PTPA: variants seen among roughly 807,000 people sequenced by gnomAD.
The protein encoded by PTPA is serine/threonine-protein phosphatase 2A activator.
In PTPA, 13 loss-of-function variants were observed where a neutral mutation model predicts 43.6. That is an observed-to-expected ratio of 0.30 (90% CI 0.19 to 0.47). PTPA has a LOEUF of 0.47. PTPA is among the 20% of genes least tolerant of loss of function. The pLI, the probability that PTPA is intolerant of heterozygous loss-of-function variation, is 0.99. For missense variants in PTPA, 329 were observed against 411.9 expected, an observed-to-expected ratio of 0.80 and a Z score of 1.74; for synonymous variants, 172 against 158.2, an observed-to-expected ratio of 1.09 and a Z score of -0.66.
chr9:129,111,583 G>T lies in PTPA; in HGVS notation c.-18G>T. ...GAGGGGACTGCAAGCATCCGGGTCG[G>T]CTCCTGGCCGGAGCAAGATGGCTGA... On this transcript the variant is annotated 5_prime_UTR_variant, in exon 1 of 10. Transcript: ENST00000393370. 7.7e-7 allele frequency: 1 copy of T among 1,290,564 alleles called. No individual in the cohort carries two copies. The highest frequency in any genetic ancestry group is 9.9e-7 in the Non-Finnish European group (1 of 1,010,858). 79.9% of individuals were successfully genotyped at this position (1,290,564 alleles called of 1,614,324 possible).
chr9:129,147,217 G>T (rs1304894149), intron 9 of PTPA, among the ~76,000 whole-genome samples, 170 bp from the exon 10 acceptor site: 1 of 152,216 alleles, frequency 6.6e-6, no homozygotes, highest in Non-Finnish European at 1.5e-5. Context: ...TGGAGTGGGT[G>T]TCTTTGGATA....
chr9:129,123,354 C>T (rs1389237488), intron 3 of PTPA, among the ~76,000 whole-genome samples: 3 of 152,004 alleles, frequency 2.0e-5, no homozygotes, highest in African/African-American at 7.2e-5. Flanking sequence ...CGCCTGTAGT[C>T]CCAGCTACTC....
Position 129,111,535 on chromosome 9 carries a change from G to A in PTPA, c.-66G>A. 7.8e-7 allele frequency: 1 copy of A among 1,281,246 alleles called. No homozygotes were observed. Among genetic ancestry groups the A allele is most frequent in the Non-Finnish European group, 9.9e-7 (1 of 1,005,912 alleles). 79.4% of individuals were successfully genotyped at this position (1,281,246 alleles called of 1,614,324 possible). A position where few individuals can be genotyped will look rare whatever the true frequency, so the allele number is the denominator to read the frequency against. On this transcript the variant is annotated 5_prime_UTR_variant, in exon 1 of 10. It adds an upstream start codon to the 5' untranslated region. Coordinates refer to ENST00000393370, the MANE Select transcript of PTPA (RefSeq NM_178000.3). ...TTTGGTGGAGCCGGGGAGAGGAAGG[G>A]TGGGTGCAAGAGTGAAAGGCGAGAG...
intron 8 of PTPA, 151 bp downstream of exon 8, chr9:129,137,843 G>A: frequency 1.4e-6 from 1 of 735,358 alleles, no homozygotes; most frequent in Non-Finnish European, 2.4e-6. Context: ...AAGCACCACT[G>A]GGCCTCTTCC....
chr9:129,127,095 CA>C (rs1472625644), intron 3 of PTPA, among the ~76,000 whole-genome samples: 4 of 152,188 alleles, frequency 2.6e-5, no homozygotes. Context: ...GCAGCGCTCT[CA>C]CATTTCAGCA....
chr9:129,128,127 C>G (rs1191107327), intron 3 of PTPA: 2 of 1,162,102 alleles, frequency 1.7e-6, no homozygotes, highest in African/African-American at 3.2e-5. Flanking sequence ...GAGTTAGTCA[C>G]TTGCTCAAGG....
At chr9:129,141,665 T>C (rs1212454475) in intron 8 of PTPA, 1 of 152,220 alleles carries the variant, frequency 6.6e-6, no homozygotes, top group Non-Finnish European at 1.5e-5. Context: ...TCAGACTCTT[T>C]GGCAAGAGGG....
intron 8 of PTPA, among the ~76,000 whole-genome samples, chr9:129,140,374 C>G (rs184648353): frequency 6.6e-6 from 1 of 152,320 alleles, no homozygotes; most frequent in Admixed American, 6.5e-5. Context: ...CCCTGAAGGA[C>G]TTAGGGAGAC....
At position 129,142,337 on chromosome 9, in the gene PTPA, T is replaced by TGCA. The variant is rs1351046020; in HGVS notation, c.787-108_787-107insGCA. 3 of 986,042 alleles carry TGCA rather than the reference T, an allele frequency of 3.0e-6. No individual in the cohort carries two copies. The African/African-American group carries it at 5.3e-5, about 18-fold the overall frequency. 61.1% of individuals were successfully genotyped at this position (986,042 alleles called of 1,614,324 possible). On this transcript the variant is annotated intron_variant, in intron 8 of 9. Coordinates refer to ENST00000393370, the MANE Select transcript of PTPA (RefSeq NM_178000.3). ...TGCGCGTGCATTGTGTGCGTGTGCG[T>TGCA]TTGTGTGTGTGTGTGTGTGCATGCA...
At chr9:129,123,268 T>C (rs3763601) in intron 3 of PTPA, 130 bp downstream of exon 3, 11,378 of 674,130 alleles carry the variant, frequency 0.017, 477 homozygotes, top group East Asian at 0.14. Flanking sequence ...GGTCAGGAGA[T>C]CGAGACCATC....
upstream of PTPA, chr9:129,110,963 G>A (rs771342367): frequency 1.5e-6 from 2 of 1,367,188 alleles, no homozygotes; most frequent in South Asian, 1.1e-5. The surrounding 1 kb of genome is among the most constrained non-coding windows in gnomAD (Gnocchi z 5.3). Context: ...GAGACCTGTG[G>A]AGGAGGAAGG....
At chr9:129,116,285 C>T (rs1422293644) in intron 1 of PTPA, among the ~76,000 whole-genome samples, 3 of 151,574 alleles carry the variant, frequency 2.0e-5, no homozygotes, top group East Asian at 1.9e-4. Context: ...CCTGGGTTCA[C>T]GCCATTCTCT....
chr9:129,142,697 C>T (rs749416583), intron 9 of PTPA, 145 bp downstream of exon 9: 9 of 1,543,610 alleles, frequency 5.8e-6, no homozygotes, highest in African/African-American at 1.4e-5. Context: ...CCCTCTGACA[C>T]TTGGGGCCTC....
chr9:129,134,077 C>G (rs551660366), intron 5 of PTPA, among the ~76,000 whole-genome samples: 1 of 152,266 alleles, frequency 6.6e-6, no homozygotes, highest in African/African-American at 2.4e-5. Flanking sequence ...ATAGTAGTGA[C>G]TGTATATTTA....
At chr9:129,127,105 C>T (rs1849630052) in intron 3 of PTPA, among the ~76,000 whole-genome samples, 1 of 152,186 alleles carries the variant, frequency 6.6e-6, no homozygotes, top group African/African-American at 2.4e-5. Flanking sequence ...CACATTTCAG[C>T]AAGGCAGCTT....
Position 129,143,980 on chromosome 9 carries a change from C to G in PTPA, c.894+1428C>G, listed in dbSNP as rs76893148. On this transcript the variant is annotated intron_variant, in intron 9 of 9. Coordinates refer to ENST00000393370, the MANE Select transcript of PTPA (RefSeq NM_178000.3). ...CACCAGCCACCTCCCAACCCCAACCCTTGTGTGCCAAAGAGAGGACTCTGG... is the reference window on the plus strand; with the variant it reads ...CACCAGCCACCTCCCAACCCCAACCGTTGTGTGCCAAAGAGAGGACTCTGG... 1.5e-3 allele frequency among the ~76,000 whole-genome samples: 226 copies of G among 151,750 alleles called. 4 individuals are homozygous for G. The East Asian group carries it at 0.04, about 27-fold the overall frequency.
At position 129,129,029 on chromosome 9, in the gene PTPA, G is replaced by C; in HGVS notation, c.261G>C (p.Trp87Cys). The C allele has an allele frequency of 6.2e-7, 1 of 1,613,022 alleles. No individual in the cohort carries two copies. Among genetic ancestry groups the C allele is most frequent in the African/African-American group, 1.3e-5 (1 of 75,004 alleles). The change falls in exon 4 of 10, where the codon TGG (tryptophan) becomes TGC (cysteine). Residue 87 changes from tryptophan to cysteine, a missense_variant. Trp to Cys is a radical substitution (Grantham distance 215). Transcript: ENST00000393370. ...LVALLNTLDR[W>C]IDETPPVDQP... is the part of the protein sequence containing the mutation. ...CTCTTCTCAACACGCTGGACAGGTG[G>C]ATTGATGAGACTCCTCCAGTGGACC... is the stretch of plus-strand genomic sequence containing the variant.
rs1347521691 is a variant in PTPA, at chr9:129,111,887, G to A, written c.31+256G>A. 2.8e-5 allele frequency: 26 copies of A among 922,004 alleles called. No homozygotes were observed. In the South Asian group the frequency reaches 1.1e-3, roughly 40 times the overall value. 57.1% of individuals were successfully genotyped at this position (922,004 alleles called of 1,614,324 possible). A position where few individuals can be genotyped will look rare whatever the true frequency, so the allele number is the denominator to read the frequency against. On this transcript the variant is annotated intron_variant, in intron 1 of 9. Coordinates refer to ENST00000393370, the MANE Select transcript of PTPA (RefSeq NM_178000.3). ...GGTTTTGTGGGAGTCCAGGCTGCCC[G>A]AATGCTGGGTGGGCAGCGCCGTGGT...
At chr9:129,115,277 A>G (rs1419647161) in intron 1 of PTPA, among the ~76,000 whole-genome samples, 1 of 152,198 alleles carries the variant, frequency 6.6e-6, no homozygotes, top group Non-Finnish European at 1.5e-5. Context: ...CAATTTACTA[A>G]TAGCAGTTTT....
Sources: gnomAD v4.1 joint callset for allele counts (sites outside exome capture counted in the v4.1 genomes callset) on GRCh38, gnomAD v4.1.1 for gene constraint, Gnocchi (gnomAD v3.1) non-coding constraint, MANE v1.5 for transcripts, NCBI Gene and HGNC (gene_info 2026-07-23, HGNC 2026-07-21) for gene names.